Variants in NAV3 observed in about 807,000 individuals in gnomAD.
NAV3 encodes neuron navigator 3.
In NAV3, 87 loss-of-function variants were observed where a neutral mutation model predicts 244.7. The ratio of observed to expected loss-of-function variants is 0.36; its 90% confidence interval spans 0.30 to 0.42. The LOEUF (loss-of-function observed/expected upper bound fraction) is 0.42, where lower values mean the gene tolerates loss of function less well. NAV3 is among the 20% of genes least tolerant of loss of function. The pLI is 1.00. For synonymous variants in NAV3, 1,126 were observed against 1,042.2 expected, an observed-to-expected ratio of 1.08 and a Z score of -1.55; for missense variants, 2,663 against 2,893.3, an observed-to-expected ratio of 0.92 and a Z score of 1.83.
intron 2 of NAV3, among the ~76,000 whole-genome samples, chr12:77,695,312 G>T (rs562726000): frequency 2.8e-3 from 429 of 152,146 alleles, no homozygotes; most frequent in South Asian, 9.1e-3. Context: ...AATCAATTTT[G>T]ATTTGATTTT....
At chr12:77,735,977 G>T (rs887899990) in intron 2 of NAV3, among the ~76,000 whole-genome samples, 1 of 152,152 alleles carries the variant, frequency 6.6e-6, no homozygotes, top group African/African-American at 2.4e-5. Context: ...CTGAAAACAG[G>T]TTCTAAACTG....
chr12:78,120,644 TG>T (rs1461678576), intron 15 of NAV3, among the ~76,000 whole-genome samples: 1 of 152,208 alleles, frequency 6.6e-6, no homozygotes, highest in Non-Finnish European at 1.5e-5. Context: ...TGTGAAGTTC[TG>T]CTCTAAGATA....
At chr12:77,597,530 T>A (rs1228251551) in intron 2 of NAV3, among the ~76,000 whole-genome samples, 4 of 152,148 alleles carry the variant, frequency 2.6e-5, no homozygotes, top group Non-Finnish European at 1.5e-5. Flanking sequence ...AGTATGTAGG[T>A]GTTTATAATT....
intron 12 of NAV3, among the ~76,000 whole-genome samples, chr12:78,095,309 C>G (rs1362252972): frequency 6.6e-6 from 1 of 151,896 alleles, no homozygotes; most frequent in African/African-American, 2.4e-5. Flanking sequence ...TAAATGTCCT[C>G]AATCAATTCA....
intron 1 of NAV3, among the ~76,000 whole-genome samples, chr12:77,932,102 A>G (rs1888867317): frequency 6.6e-6 from 1 of 152,100 alleles, no homozygotes; most frequent in Non-Finnish European, 1.5e-5. Flanking sequence ...GGTGGAGGAT[A>G]TGAAATCCTA....
intron 2 of NAV3, among the ~76,000 whole-genome samples, chr12:77,771,931 A>G (rs1262175808): frequency 2.6e-5 from 4 of 152,308 alleles, no homozygotes; most frequent in Non-Finnish European, 5.9e-5. Flanking sequence ...AAAAATTAAA[A>G]AAAAATGTAA....
chr12:77,881,983 T>C (rs1186041226), intron 1 of NAV3, among the ~76,000 whole-genome samples: 2 of 152,146 alleles, frequency 1.3e-5, no homozygotes, highest in Non-Finnish European at 2.9e-5. Context: ...TCAATAATGT[T>C]AAGCTGGCCA....
At chr12:77,898,620 G>A (rs1412429264) in intron 1 of NAV3, among the ~76,000 whole-genome samples, 1 of 152,154 alleles carries the variant, frequency 6.6e-6, no homozygotes, top group African/African-American at 2.4e-5. Context: ...TGACATCATG[G>A]GTTGAGGAAC....
chr12:77,864,314 G>A (rs1364281252), intron 1 of NAV3, among the ~76,000 whole-genome samples: 1 of 151,824 alleles, frequency 6.6e-6, no homozygotes, highest in Non-Finnish European at 1.5e-5. Flanking sequence ...AACTATGATA[G>A]TAAAATTTGT....
intron 12 of NAV3, among the ~76,000 whole-genome samples, chr12:78,073,592 T>C (rs992992987): frequency 1.3e-5 from 2 of 151,926 alleles, no homozygotes; most frequent in Admixed American, 1.3e-4. Flanking sequence ...AGAATCAATA[T>C]CGTGAAAATG....
chr12:77,727,919 A>C (rs1280307700), intron 2 of NAV3, among the ~76,000 whole-genome samples: 1 of 151,918 alleles, frequency 6.6e-6, no homozygotes, highest in Non-Finnish European at 1.5e-5. Context: ...ATCCTAATGA[A>C]GTCTGCCAAT....
chr12:77,825,534 C>T (rs936074935), intron 2 of NAV3, among the ~76,000 whole-genome samples: 6 of 151,852 alleles, frequency 4.0e-5, no homozygotes, highest in South Asian at 2.1e-4. Flanking sequence ...TATAGTAAAT[C>T]CTAGAGGAAA....
upstream of NAV3, among the ~76,000 whole-genome samples, chr12:77,827,195 A>ATAG (rs1279034839): frequency 7.0e-6 from 1 of 143,854 alleles, no homozygotes; most frequent in Non-Finnish European, 1.5e-5. Flanking sequence ...ATCATGAAAT[A>ATAG]TAGTTACTCC....
At chr12:78,141,829 A>C (rs1171801117) in intron 20 of NAV3, among the ~76,000 whole-genome samples, 1 of 152,168 alleles carries the variant, frequency 6.6e-6, no homozygotes, top group African/African-American at 2.4e-5. Flanking sequence ...CAGCACTGCC[A>C]TTTGTTGGGG....
At chr12:78,166,880 G>T (rs1957801425) in intron 23 of NAV3, among the ~76,000 whole-genome samples, 2 of 151,586 alleles carry the variant, frequency 1.3e-5, no homozygotes, top group African/African-American at 4.8e-5. Context: ...AAAGCCACAG[G>T]CAAATGTTTT....
At chr12:77,886,193 G>GCA (rs2136676817) in intron 1 of NAV3, among the ~76,000 whole-genome samples, 1 of 152,186 alleles carries the variant, frequency 6.6e-6, no homozygotes, top group South Asian at 2.1e-4. Flanking sequence ...GCAGGGTTAA[G>GCA]CACTACATGG....
chr12:77,947,061 A>G (rs1890418047), intron 3 of NAV3, among the ~76,000 whole-genome samples: 1 of 152,034 alleles, frequency 6.6e-6, no homozygotes. Context: ...CCTTCAACCT[A>G]AGGTTTTAGT....
chr12:78,058,384 C>G (rs1217895035), intron 11 of NAV3, among the ~76,000 whole-genome samples: 2 of 152,146 alleles, frequency 1.3e-5, no homozygotes, highest in East Asian at 3.9e-4. Context: ...TCTCGTCAGA[C>G]TTACTACCAG....
chr12:78,063,262 A>G (rs1884558019), intron 12 of NAV3, among the ~76,000 whole-genome samples: 2 of 152,226 alleles, frequency 1.3e-5, no homozygotes, highest in Non-Finnish European at 2.9e-5. Context: ...TGACTAAAAA[A>G]AAGATTGCAG....
Sources: gnomAD v4.1 joint callset for allele counts (sites outside exome capture counted in the v4.1 genomes callset) on GRCh38, gnomAD v4.1.1 for gene constraint, MANE v1.5 for transcripts, NCBI Gene and HGNC (gene_info 2026-07-23, HGNC 2026-07-21) for gene names.